SLC8A1: variants seen among roughly 807,000 people sequenced by gnomAD.
SLC8A1 encodes the protein sodium/calcium exchanger 1.
SLC8A1 carries 18 observed loss-of-function variants against 68.3 expected under a neutral mutation model. The ratio of observed to expected loss-of-function variants is 0.26; its 90% CI spans 0.18 to 0.39. The LOEUF is 0.39. Among genes scored for constraint, SLC8A1 ranks in the 10% least tolerant of loss-of-function variants. The probability of loss-of-function intolerance (pLI) is 1.00; values close to 1 mark genes in which losing one functional copy is unlikely to be tolerated. For missense variants in SLC8A1, 985 were observed against 1,156.7 expected (o/e 0.85, Z 2.15); for synonymous variants, 475 against 415.5 (o/e 1.14, Z -1.74).
intron 2 of SLC8A1, among the ~76,000 whole-genome samples, chr2:40,198,015 A>T (rs1468466891): frequency 6.6e-6 from 1 of 152,020 alleles, no homozygotes; most frequent in African/African-American, 2.4e-5. Flanking sequence ...TCAGAAGGAC[A>T]GGAGTGCATA....
intron 2 of SLC8A1, among the ~76,000 whole-genome samples, chr2:40,409,928 C>A (rs1691573200): frequency 6.6e-6 from 1 of 151,750 alleles, no homozygotes; most frequent in African/African-American, 2.4e-5. Flanking sequence ...ATCCCTGCCC[C>A]AACAAAACTG....
chr2:40,451,732 C>CATCACACACACACACACACACA (rs1195159597), intron 1 of SLC8A1, among the ~76,000 whole-genome samples, 172 bp downstream of exon 1: 3 of 136,342 alleles, frequency 2.2e-5, no homozygotes, highest in African/African-American at 8.5e-5. Context: ...CGCGCACACA[C>CATCACACACACACACACACACA]CACATCACAC....
At chr2:40,302,465 G>A (rs2071683250) in intron 2 of SLC8A1, among the ~76,000 whole-genome samples, 1 of 149,542 alleles carries the variant, frequency 6.7e-6, no homozygotes, top group South Asian at 2.1e-4. Flanking sequence ...GTGTGTGTGT[G>A]TATACACACA....
intron 1 of SLC8A1, chr2:40,512,313 T>A (rs1179317407): frequency 1.3e-5 from 2 of 152,342 alleles, no homozygotes; most frequent in Non-Finnish European, 2.9e-5. Flanking sequence ...CAAATGATCC[T>A]TTATAGAAGT....
At chr2:40,392,731 C>T (rs936486351) in intron 2 of SLC8A1, among the ~76,000 whole-genome samples, 3 of 151,966 alleles carry the variant, frequency 2.0e-5, no homozygotes, top group African/African-American at 7.2e-5. Context: ...TGCCAATGAT[C>T]ACAGTACCGG....
At chr2:40,289,791 G>T (rs1559111616) in intron 2 of SLC8A1, among the ~76,000 whole-genome samples, 1 of 151,972 alleles carries the variant, frequency 6.6e-6, no homozygotes, top group Admixed American at 6.6e-5. Flanking sequence ...AACTTAGGAG[G>T]TGGAGGTTGC....
chr2:40,338,036 A>C (rs1445957561), intron 2 of SLC8A1, among the ~76,000 whole-genome samples: 3 of 152,074 alleles, frequency 2.0e-5, no homozygotes, highest in African/African-American at 7.2e-5. Context: ...TGAACTTAGG[A>C]AATAATGAGG....
At chr2:40,137,135 T>C (rs905724840) in intron 7 of SLC8A1, among the ~76,000 whole-genome samples, 3 of 152,188 alleles carry the variant, frequency 2.0e-5, no homozygotes, top group African/African-American at 7.2e-5. Flanking sequence ...TAATCCATAA[T>C]TCATATTATA....
chr2:40,506,437 G>C (rs1043397515), intron 1 of SLC8A1, among the ~76,000 whole-genome samples: 1 of 151,852 alleles, frequency 6.6e-6, no homozygotes, highest in African/African-American at 2.4e-5. Context: ...GGACACATTT[G>C]TTGAACATAA....
intron 2 of SLC8A1, among the ~76,000 whole-genome samples, chr2:40,368,935 G>C (rs1434897190): frequency 2.2e-5 from 2 of 90,846 alleles, no homozygotes; most frequent in Non-Finnish European, 4.3e-5. Flanking sequence ...ACAGCAGTGA[G>C]AAAATAATTC....
chr2:40,110,395 A>G (rs953760999), exon 8 of SLC8A1: 1 of 152,240 alleles, frequency 6.6e-6, no homozygotes, highest in Non-Finnish European at 1.5e-5. Context: ...ATGGTAAAAA[A>G]GAATAGCAGA....
Position 40,428,347 on chromosome 2 carries a change from T to C in SLC8A1, c.1808+126A>G, listed in dbSNP as rs1381788520. 14 of 1,390,886 alleles carry C rather than the reference T, an allele frequency of 1.0e-5. No homozygotes were observed. In the East Asian group the frequency reaches 1.0e-4, roughly 10 times the overall value. The allele number at this position is 1,390,886 out of a possible 1,614,324, so 86.2% of individuals were successfully genotyped here. On this transcript the variant is annotated intron_variant, in intron 2 of 7. Transcript: ENST00000406785. ...CTGATATCTTGAAAGGGATCTTGTA[T>C]AAAAGCTATTCCATTCCTTGCATGC...
chr2:40,101,731 T>C (rs1038726278), exon 8 of SLC8A1: 1 of 152,124 alleles, frequency 6.6e-6, no homozygotes, highest in Non-Finnish European at 1.5e-5. Context: ...GGTGACATTG[T>C]TCATTCTTGG....
At chr2:40,220,258 GA>G (rs1320934548) in intron 2 of SLC8A1, 1 of 151,946 alleles carries the variant, frequency 6.6e-6, no homozygotes, top group Non-Finnish European at 1.5e-5. Flanking sequence ...AGAAAAAAGA[GA>G]AAAAATAAAT....
At chr2:40,260,494 TA>T (rs1226408454) in intron 2 of SLC8A1, among the ~76,000 whole-genome samples, 1 of 152,146 alleles carries the variant, frequency 6.6e-6, no homozygotes, top group Non-Finnish European at 1.5e-5. Context: ...CAGTAACGTC[TA>T]AAATAAGTGA....
chr2:40,450,463 A>C (rs943256682), intron 1 of SLC8A1, among the ~76,000 whole-genome samples: 1 of 152,066 alleles, frequency 6.6e-6, no homozygotes, highest in Non-Finnish European at 1.5e-5. Flanking sequence ...AAATCTTCGC[A>C]CAAGTCTCAG....
chr2:40,468,120 T>G (rs905855676), intron 1 of SLC8A1, among the ~76,000 whole-genome samples: 11 of 152,118 alleles, frequency 7.2e-5, no homozygotes, highest in African/African-American at 2.7e-4. Context: ...CCCATTTATT[T>G]TAATTTGATC....
intron 4 of SLC8A1, among the ~76,000 whole-genome samples, chr2:40,172,740 A>G (rs2047726587): frequency 6.6e-6 from 1 of 152,118 alleles, no homozygotes; most frequent in African/African-American, 2.4e-5. Flanking sequence ...CAGGAGATTG[A>G]GACTCTCCTG....
At chr2:40,417,611 T>G (rs1002100727) in intron 2 of SLC8A1, among the ~76,000 whole-genome samples, 2 of 152,058 alleles carry the variant, frequency 1.3e-5, no homozygotes, top group African/African-American at 2.4e-5. Flanking sequence ...CCGGCTCAAG[T>G]GATCTTCCCA....
Sources: allele counts gnomAD v4.1 joint callset (sites outside exome capture counted in the v4.1 genomes callset), GRCh38; gene constraint gnomAD v4.1.1; transcripts MANE v1.5; gene names NCBI Gene and HGNC (gene_info 2026-07-23, HGNC 2026-07-21).